Variants in MAX observed in about 807,000 individuals in gnomAD.
MAX encodes the protein MYC associated transcriptional regulator X.
A neutral mutation model predicts 22.3 loss-of-function variants in MAX; 3 were observed. That is an observed-to-expected ratio of 0.13 (90% CI 0.06 to 0.35). MAX has a LOEUF of 0.35. Among genes scored for constraint, MAX ranks in the 10% least tolerant of loss-of-function variants. The probability of loss-of-function intolerance (pLI) is 1.00; values close to 1 mark genes in which losing one functional copy is unlikely to be tolerated. For missense variants in MAX, 119 were observed against 209.4 expected, an observed-to-expected ratio of 0.57 and a Z score of 2.66; for synonymous variants, 72 against 77.7, an observed-to-expected ratio of 0.93 and a Z score of 0.39.
At chr14:65,081,392 C>A (rs2063195603) in intron 3 of MAX, among the ~76,000 whole-genome samples, 2 of 152,188 alleles carry the variant, frequency 1.3e-5, no homozygotes, top group Non-Finnish European at 2.9e-5. Context: ...CACCTGCAAT[C>A]CTCCCCTCCC....
chr14:65,015,807 T>A (rs1474344345), intron 3 of MAX: 19 of 1,469,740 alleles, frequency 1.3e-5, no homozygotes, highest in Middle Eastern at 1.8e-4. Context: ...TTGTTTGGAA[T>A]GGAAAAAAAC....
downstream of MAX, among the ~76,000 whole-genome samples, chr14:65,074,230 T>G (rs1053027663): frequency 1.3e-5 from 2 of 152,232 alleles, no homozygotes; most frequent in African/African-American, 4.8e-5. Context: ...CTTTAGGCAA[T>G]AAGCTGATTC....
chr14:65,075,945 A>G lies in MAX; in HGVS notation c.*531T>C, dbSNP rs1227516818. ...TGGTCTTTCAATAGGAGCGATACAT[A>G]GCTTTTTAGAAAAAGGAAAAAAAAA... On this transcript the variant is annotated 3_prime_UTR_variant, in exon 5 of 5. Coordinates refer to ENST00000358664, the MANE Select transcript of MAX (RefSeq NM_002382.5). This position sits in a 1 kb window ranked among gnomAD's most constrained non-coding sequence, Gnocchi z 4.1. The G allele has an allele frequency of 1.9e-6, 2 of 1,074,110 alleles. No homozygotes were observed. Among genetic ancestry groups the G allele is most frequent in the East Asian group, 9.7e-5 (2 of 20,548 alleles). The allele number at this position is 1,074,110 out of a possible 1,614,324, so 66.5% of individuals were successfully genotyped here.
chr14:65,055,497 T>A (rs117576471), intron 3 of MAX, among the ~76,000 whole-genome samples: 20 of 152,034 alleles, frequency 1.3e-4, no homozygotes, highest in Non-Finnish European at 7.4e-5. Context: ...CTTTTTTGTT[T>A]AAAAAAATTT....
chr14:65,088,843 ATG>A lies in MAX; in HGVS notation c.171+4863_171+4864del, dbSNP rs1248840965. Among the ~76,000 whole-genome samples, 2 of 151,538 alleles carry A rather than the reference ATG, an allele frequency of 1.3e-5. No individual in the cohort carries two copies. Among genetic ancestry groups the A allele is most frequent in the Non-Finnish European group, 3.0e-5 (2 of 67,530 alleles). ...CTCATATATTAAGTATAATATATAA[ATG>A]TGTGTACATAAAAGTATAAATGCTA... On this transcript the variant is annotated intron_variant, in intron 3 of 4. Coordinates refer to ENST00000358664, the MANE Select transcript of MAX (RefSeq NM_002382.5). The surrounding 1 kb of genome is among the most constrained non-coding windows in gnomAD (Gnocchi z 5.2).
Position 65,082,037 on chromosome 14 carries a change from T to C in MAX, c.172-4001A>G, listed in dbSNP as rs1281232885. 6.6e-6 allele frequency: 1 copy of C among 152,196 alleles called. No individual in the cohort carries two copies. The highest frequency in any genetic ancestry group is 2.4e-5 in the African/African-American group (1 of 41,448). 9.4% of individuals were successfully genotyped at this position (152,196 alleles called of 1,614,324 possible). On this transcript the variant is annotated intron_variant, in intron 3 of 4. Coordinates refer to ENST00000358664, the MANE Select transcript of MAX (RefSeq NM_002382.5). The surrounding 1 kb of genome is among the most constrained non-coding windows in gnomAD (Gnocchi z 4.8). ...GCAGCACTAACACTTACTGAGTACT[T>C]ACTAAGTGTCAGGCATCCTCACACA... is the stretch of plus-strand genomic sequence containing the variant.
chr14:65,064,726 G>A (rs959277276), intron 3 of MAX, among the ~76,000 whole-genome samples: 3 of 152,272 alleles, frequency 2.0e-5, no homozygotes, highest in Non-Finnish European at 4.4e-5. Flanking sequence ...GGCTTCATTA[G>A]AAGCACGTAG....
rs201126999 is a variant in MAX at position 65,037,741 on chromosome 14, ATTATTTATTTATTTAT to A, written c.172-31473_172-31458del. ...TGCCCAGCCTCTTATTTATTTATTT[ATTATTTATTTATTTAT>A]TTATTTATTTATTTATTTATTTATT... On this transcript the variant is annotated intron_variant, in intron 3 of 3. Coordinates refer to the MAX transcript ENST00000341653. Among the ~76,000 whole-genome samples, 489 of 132,656 alleles carry A rather than the reference ATTATTTATTTATTTAT, an allele frequency of 3.7e-3. 4 individuals are homozygous for A. Among genetic ancestry groups the A allele is most frequent in the South Asian group, 0.012 (51 of 4,154 alleles). The allele number at this position is 132,656 out of a possible 152,430, so 87.0% of individuals were successfully genotyped here.
In MAX at chr14:65,077,423, T is replaced by C. The variant is rs1264508926; in HGVS notation, c.295+490A>G. 4 of 1,609,974 alleles carry C rather than the reference T, an allele frequency of 2.5e-6. No homozygotes were observed. Among genetic ancestry groups the C allele is most frequent in the Admixed American group, 1.7e-5 (1 of 60,022 alleles). ...AACAAAGAACTTGATCAGCTCTCGC[T>C]TTCCCCTGTGGTTGTAGGAAAAGGC... On this transcript the variant is annotated intron_variant, in intron 4 of 4. Transcript: ENST00000358664. This position sits in a 1 kb window ranked among gnomAD's most constrained non-coding sequence, Gnocchi z 6.3.
intron 3 of MAX, among the ~76,000 whole-genome samples, chr14:65,058,349 TGTTAC>T (rs2062789242): frequency 6.6e-6 from 1 of 152,180 alleles, no homozygotes; most frequent in South Asian, 2.1e-4. Flanking sequence ...TGTAACTGTT[TGTTAC>T]TAGTGTATAG....
chr14:65,102,436 C>G lies in MAX; in HGVS notation c.-97G>C, dbSNP rs2063879056. The G allele has an allele frequency of 1.9e-6, 3 of 1,554,240 alleles. No homozygotes were observed. Among genetic ancestry groups the G allele is most frequent in the Non-Finnish European group, 2.6e-6 (3 of 1,151,954 alleles). ...ACCGACAACAACAAGCCGAGTCCCC[C>G]CCACACACACACTCACTCACTCACT... On this transcript the variant is annotated 5_prime_UTR_variant, in exon 1 of 5. Transcript: ENST00000358664.
chr14:65,102,484 C>T lies in MAX; in HGVS notation c.-145G>A, dbSNP rs1470309425. ...ACTCACTCGCTCTCTCACTCACACA[C>T]ACACACAACACGGGCAAGAACCACC... On this transcript the variant is annotated 5_prime_UTR_variant, in exon 1 of 5. The change creates a new upstream start codon in the 5' untranslated region. Coordinates refer to ENST00000358664, the MANE Select transcript of MAX (RefSeq NM_002382.5). 6.7e-7 allele frequency: 1 copy of T among 1,503,026 alleles called. No homozygotes were observed. Among genetic ancestry groups the T allele is most frequent in the East Asian group, 2.5e-5 (1 of 40,574 alleles). 93.1% of individuals were successfully genotyped at this position (1,503,026 alleles called of 1,614,324 possible). A position where few individuals can be genotyped will look rare whatever the true frequency, so the allele number is the denominator to read the frequency against.
chr14:65,053,414 A>T, intron 3 of MAX: 1 of 1,237,918 alleles, frequency 8.1e-7, no homozygotes, highest in Non-Finnish European at 1.0e-6. Context: ...CGTGCACCTC[A>T]GGCCTACTCA....
At position 65,084,304 on chromosome 14, in the gene MAX, T is replaced by C; in HGVS notation, c.172-6268A>G. 1 of 1,461,940 alleles carries C rather than the reference T, an allele frequency of 6.8e-7. No homozygotes were observed. Among genetic ancestry groups the C allele is most frequent in the Non-Finnish European group, 9.6e-7 (1 of 1,041,766 alleles). The allele number at this position is 1,461,940 out of a possible 1,614,324, so 90.6% of individuals were successfully genotyped here. A position where few individuals can be genotyped will look rare whatever the true frequency, so the allele number is the denominator to read the frequency against. On this transcript the variant is annotated intron_variant, in intron 3 of 4. Coordinates refer to ENST00000358664, the MANE Select transcript of MAX (RefSeq NM_002382.5). The surrounding 1 kb of genome is among the most constrained non-coding windows in gnomAD (Gnocchi z 4.3). ...TTTCCAAAAGAGGAAATAGAGCTAGTAAATAAACATGTGGAAAAGCAATTA... is the reference window on the plus strand; with the variant it reads ...TTTCCAAAAGAGGAAATAGAGCTAGCAAATAAACATGTGGAAAAGCAATTA...
In MAX at chr14:65,027,766, G is replaced by A; in HGVS notation, c.172-21482C>T. Reference sequence around the variant, plus strand: ...GGCTCCTTTCTCATGCATGTCGGAGGTGAGGTGGATGTGAGGTGAGTGGGG... The same window carrying A: ...GGCTCCTTTCTCATGCATGTCGGAGATGAGGTGGATGTGAGGTGAGTGGGG... On this transcript the variant is annotated intron_variant, in intron 3 of 3. Coordinates refer to the MAX transcript ENST00000341653. This position sits in a 1 kb window ranked among gnomAD's most constrained non-coding sequence, Gnocchi z 5.7. 6.2e-7 allele frequency: 1 copy of A among 1,614,176 alleles called. No individual in the cohort carries two copies. The highest frequency in any genetic ancestry group is 8.5e-7 in the Non-Finnish European group (1 of 1,180,032).
intron 3 of MAX, among the ~76,000 whole-genome samples, chr14:65,063,138 G>A (rs988005703): frequency 1.3e-5 from 2 of 152,234 alleles, no homozygotes; most frequent in African/African-American, 4.8e-5. Context: ...GGAGGGGAGA[G>A]AAGATGGTGT....
At chr14:65,058,930 A>G (rs2062802113) in intron 3 of MAX, among the ~76,000 whole-genome samples, 1 of 152,236 alleles carries the variant, frequency 6.6e-6, no homozygotes, top group South Asian at 2.1e-4. Flanking sequence ...TTGATCTAAA[A>G]TTTTATTGTA....
chr14:65,071,285 G>A (rs1182250933), downstream of MAX, among the ~76,000 whole-genome samples: 1 of 152,062 alleles, frequency 6.6e-6, no homozygotes. This position sits in a 1 kb window ranked among gnomAD's most constrained non-coding sequence, Gnocchi z 4.2. Flanking sequence ...GGGACCACAG[G>A]CATGCAACAC....
rs776586401 is a variant in MAX at position 65,077,883 on chromosome 14, G to A, written c.295+30C>T. On this transcript the variant is annotated intron_variant, in intron 4 of 4. Coordinates refer to ENST00000358664, the MANE Select transcript of MAX (RefSeq NM_002382.5). This position sits in a 1 kb window ranked among gnomAD's most constrained non-coding sequence, Gnocchi z 6.3. ...CCTGACCTGGCTGGAGCACAGCAGGGCCAGCTGCCCCACGAGCTCGGGTGC... is the reference window on the plus strand; with the variant it reads ...CCTGACCTGGCTGGAGCACAGCAGGACCAGCTGCCCCACGAGCTCGGGTGC... 1.9e-6 allele frequency: 3 copies of A among 1,614,210 alleles called. No homozygotes were observed. The highest frequency in any genetic ancestry group is 1.3e-5 in the African/African-American group (1 of 75,060).
Sources: allele counts gnomAD v4.1 joint callset (sites outside exome capture counted in the v4.1 genomes callset), GRCh38; gene constraint gnomAD v4.1.1; non-coding constraint Gnocchi (gnomAD v3.1); transcripts MANE v1.5; gene names NCBI Gene and HGNC (gene_info 2026-07-23, HGNC 2026-07-21).